Variants in GRAMD1B observed in about 807,000 individuals in gnomAD.
GRAMD1B encodes GRAM domain containing 1B.
In GRAMD1B, 37 loss-of-function variants were observed where a neutral mutation model predicts 99.7. The ratio of observed to expected loss-of-function variants is 0.37; its 90% CI spans 0.29 to 0.49. The LOEUF is 0.49. Among genes scored for constraint, GRAMD1B ranks in the 20% least tolerant of loss-of-function variants. The pLI is 0.98. For missense variants in GRAMD1B, 888 were observed against 1,009.2 expected (o/e 0.88, Z 1.63); for synonymous variants, 427 against 387.6 (o/e 1.10, Z -1.19).
At chr11:123,482,520 A>G (rs1951668415) in intron 2 of GRAMD1B, among the ~76,000 whole-genome samples, 2 of 152,226 alleles carry the variant, frequency 1.3e-5, no homozygotes, top group African/African-American at 2.4e-5. Flanking sequence ...TGTGAAAAAG[A>G]AAGAATATTT....
intron 1 of GRAMD1B, among the ~76,000 whole-genome samples, chr11:123,418,466 A>C (rs754519946): frequency 6.6e-6 from 1 of 152,166 alleles, no homozygotes; most frequent in Admixed American, 6.5e-5. Context: ...TTCCAAGTAC[A>C]TTCCTGTTCC....
rs1179198378 is a variant in GRAMD1B at position 123,396,280 on chromosome 11, T to TTG, written c.-176+37482_-176+37483insGT. On this transcript the variant is annotated intron_variant, in intron 1 of 20. Transcript: ENST00000638157. ...TCTTTTTTCTTTTCTTTTCTTCTTC[T>TTG]TCTTTTTTTTTTGAGACAGAGCTTA... 5.1e-3 allele frequency among the ~76,000 whole-genome samples: 768 copies of TTG among 149,616 alleles called. 40 individuals are homozygous for TTG. Among genetic ancestry groups the TTG allele is most frequent in the African/African-American group, 0.018 (734 of 40,440 alleles).
chr11:123,593,103 A>G (rs1202536344), intron 4 of GRAMD1B, among the ~76,000 whole-genome samples: 1 of 151,896 alleles, frequency 6.6e-6, no homozygotes, highest in Admixed American at 6.6e-5. Flanking sequence ...GAGGTGGCAC[A>G]TACCTGTAGT....
At chr11:123,470,515 T>C (rs972990932) in intron 1 of GRAMD1B, among the ~76,000 whole-genome samples, 91 of 137,374 alleles carry the variant, frequency 6.6e-4, no homozygotes, top group East Asian at 1.0e-3. Context: ...TCTTTCTTTT[T>C]TTTTTTTTTT....
chr11:123,478,325 T>C (rs967554083), intron 1 of GRAMD1B, among the ~76,000 whole-genome samples: 38 of 152,356 alleles, frequency 2.5e-4, no homozygotes, highest in African/African-American at 8.4e-4. Flanking sequence ...TACTGTAGAC[T>C]CTTAACCATT....
intron 2 of GRAMD1B, among the ~76,000 whole-genome samples, chr11:123,484,144 G>C (rs1951759606): frequency 6.6e-6 from 1 of 152,162 alleles, no homozygotes; most frequent in Non-Finnish European, 1.5e-5. Flanking sequence ...CCTTCCCTGT[G>C]CTGTGCACCA....
At chr11:123,433,617 G>C (rs781265939) in intron 1 of GRAMD1B, among the ~76,000 whole-genome samples, 1 of 152,000 alleles carries the variant, frequency 6.6e-6, no homozygotes. Context: ...TGGTGCCTGT[G>C]AATAACCACT....
chr11:123,474,628 CA>C (rs1282897836), intron 1 of GRAMD1B, among the ~76,000 whole-genome samples: 4 of 152,130 alleles, frequency 2.6e-5, no homozygotes, highest in Admixed American at 2.6e-4. Context: ...TCCAGAAAAA[CA>C]AAAAACAAAT....
At chr11:123,470,888 T>C (rs985499247) in intron 1 of GRAMD1B, among the ~76,000 whole-genome samples, 27 of 152,170 alleles carry the variant, frequency 1.8e-4, no homozygotes, top group Admixed American at 5.9e-4. Flanking sequence ...CAATAAAGTT[T>C]TCTGCAGTGA....
At chr11:123,513,653 C>T (rs1294090968) in intron 2 of GRAMD1B, among the ~76,000 whole-genome samples, 9 of 29,846 alleles carry the variant, frequency 3.0e-4, no homozygotes, top group Non-Finnish European at 4.6e-4. Flanking sequence ...TTTTTCTTAC[C>T]TTTCTTTCTT....
intron 19 of GRAMD1B, among the ~76,000 whole-genome samples, chr11:123,621,182 A>G (rs555633651): frequency 2.6e-5 from 4 of 152,354 alleles, no homozygotes; most frequent in East Asian, 1.9e-4. Flanking sequence ...AAAGTGGTAG[A>G]TTAAGCAGAG....
upstream of GRAMD1B, among the ~76,000 whole-genome samples, chr11:123,425,650 A>G (rs1948621649): frequency 6.6e-6 from 1 of 152,220 alleles, no homozygotes; most frequent in East Asian, 1.9e-4. Context: ...AGCACTGCCC[A>G]GGGCTCTATT....
chr11:123,593,990 A>T, intron 4 of GRAMD1B, 92 bp from the exon 5 acceptor site: 1 of 882,114 alleles, frequency 1.1e-6, no homozygotes, highest in Non-Finnish European at 1.9e-6. Context: ...TTTGCTTTTT[A>T]AACACACAAG....
chr11:123,580,789 G>C (rs1148122), intron 3 of GRAMD1B, among the ~76,000 whole-genome samples: 23,374 of 152,186 alleles, frequency 0.15, 2,208 homozygotes, highest in East Asian at 0.24. Context: ...TGCCCTGAGG[G>C]CGCTATGCAG....
Position 123,431,112 on chromosome 11 carries a change from TC to T in GRAMD1B, c.322del (p.Leu108SerfsTer6), listed in dbSNP as rs1279710793. ...TPSASPRRKR[F>X]LLRKWLRVRE... ...AGCGCGTCCCCGCGCCGAAAACGCT[TC>T]CTCCTCCGCAAGTGGCTGAGGGTGA... On this transcript the variant is annotated frameshift_variant, in exon 1 of 20. Coordinates refer to ENST00000635736, the MANE Select transcript of GRAMD1B (RefSeq NM_001387025.1). The T allele has an allele frequency of 5.7e-6, 4 of 702,998 alleles. No individual in the cohort carries two copies. Among genetic ancestry groups the T allele is most frequent in the Non-Finnish European group, 1.0e-5 (4 of 384,980 alleles). 43.5% of individuals were successfully genotyped at this position (702,998 alleles called of 1,614,324 possible). A position where few individuals can be genotyped will look rare whatever the true frequency, so the allele number is the denominator to read the frequency against.
chr11:123,523,681 CAGTAT>C lies in GRAMD1B; in HGVS notation c.452+42789_452+42793del, dbSNP rs147254428. On this transcript the variant is annotated intron_variant, in intron 2 of 19. Transcript: ENST00000635736. ...CAGTTGATGGGCCAGGATGAGAATA[CAGTAT>C]TCACGTGTACCTGGAGTACTCTCAG... Among the ~76,000 whole-genome samples the C allele has an allele frequency of 1.4e-3, 209 of 152,312 alleles. 1 individual carries two copies. In the East Asian group the frequency reaches 0.037, roughly 27 times the overall value.
intron 2 of GRAMD1B, among the ~76,000 whole-genome samples, chr11:123,483,317 C>T (rs760130228): frequency 6.6e-6 from 1 of 151,802 alleles, no homozygotes; most frequent in Non-Finnish European, 1.5e-5. Flanking sequence ...GCGATTTCAT[C>T]GTGCTTCTCA....
intron 2 of GRAMD1B, chr11:123,525,885 C>T (rs1246844741): frequency 3.0e-5 from 16 of 530,690 alleles, no homozygotes; most frequent in Admixed American, 9.6e-5. Flanking sequence ...CTCGGGCAGG[C>T]GGCTCCAGCC....
At chr11:123,377,330 A>C (rs550223929) in intron 1 of GRAMD1B, among the ~76,000 whole-genome samples, 1 of 152,240 alleles carries the variant, frequency 6.6e-6, no homozygotes, top group African/African-American at 2.4e-5. Context: ...TATCTCACTC[A>C]TGTGAACTTA....
Sources: allele counts gnomAD v4.1 joint callset (sites outside exome capture counted in the v4.1 genomes callset), GRCh38; gene constraint gnomAD v4.1.1; transcripts MANE v1.5; gene names NCBI Gene and HGNC (gene_info 2026-07-23, HGNC 2026-07-21).